The following IL4I1 variants were observed in gnomAD, a reference collection of about 807,000 sequenced individuals.
IL4I1 encodes L-amino-acid oxidase.
A neutral mutation model predicts 29.7 loss-of-function variants in IL4I1; 24 were observed. That is an observed-to-expected ratio of 0.81 (90% CI 0.59 to 1.14). The LOEUF (loss-of-function observed/expected upper bound fraction) is 1.14. IL4I1 is among the 50% of genes most tolerant of loss of function. IL4I1 has a pLI of 0.00. For missense variants in IL4I1, 686 were observed against 785.6 expected (o/e 0.87, Z 1.52); for synonymous variants, 371 against 352.5 (o/e 1.05, Z -0.59).
At chr19:49,893,410 A>T (rs1296048174) in intron 5 of IL4I1, among the ~76,000 whole-genome samples, 2 of 151,450 alleles carry the variant, frequency 1.3e-5, no homozygotes, top group Non-Finnish European at 2.9e-5. Flanking sequence ...GGTCAGGAGG[A>T]GGATGGCTCC....
chr19:49,902,961 G>A (rs1369454692), intron 3 of IL4I1, among the ~76,000 whole-genome samples: 1 of 150,436 alleles, frequency 6.6e-6, no homozygotes, highest in Non-Finnish European at 1.5e-5. Flanking sequence ...CTAAAAATAC[G>A]AAAATTAGCT....
intron 2 of IL4I1, among the ~76,000 whole-genome samples, chr19:49,918,906 G>A (rs1406725129): frequency 6.9e-6 from 1 of 145,066 alleles, no homozygotes; most frequent in Non-Finnish European, 1.5e-5. Flanking sequence ...GGGGGGGGGG[G>A]GGCGGGGTGT....
In IL4I1 at chr19:49,889,892, G is replaced by A. The variant is rs1220817228; in HGVS notation, c.1482C>T (p.Val494=). The A allele has an allele frequency of 1.2e-6, 2 of 1,607,462 alleles. No individual in the cohort carries two copies. Among genetic ancestry groups the A allele is most frequent in the Admixed American group, 3.4e-5 (2 of 59,220 alleles). Residue 494 remains valine, a synonymous_variant, in exon 8 of 8, where the codon GTC becomes GTT. Transcript: ENST00000391826. ...TGATGGCGGCGCGCAGCGCCGACTT[G>A]ACCGCCGTCTCCACCCAGCCGTGCG... The part of the protein sequence containing the change: ...AYPHGWVETA[V]KSALRAAIKI...
intron 5 of IL4I1, 55 bp from the exon 6 acceptor site, chr19:49,891,528 G>A: frequency 6.7e-7 from 1 of 1,491,356 alleles, no homozygotes; most frequent in Non-Finnish European, 9.4e-7. Flanking sequence ...CAGGGTGGAG[G>A]CCGGGCCTGG....
intron 2 of IL4I1, chr19:49,909,686 C>G (rs1200499634): frequency 6.2e-7 from 1 of 1,614,044 alleles, no homozygotes; most frequent in African/African-American, 1.3e-5. Context: ...AAAATTAAAC[C>G]CTCCAGTGCC....
intron 2 of IL4I1, among the ~76,000 whole-genome samples, chr19:49,916,585 C>T (rs2075629173): frequency 6.6e-6 from 1 of 151,912 alleles, no homozygotes; most frequent in Admixed American, 6.6e-5. Flanking sequence ...CATGGTGAAA[C>T]CCCGTCTGCA....
chr19:49,924,036 G>C (rs1244976574), intron 2 of IL4I1, among the ~76,000 whole-genome samples: 1 of 152,212 alleles, frequency 6.6e-6, no homozygotes, highest in Non-Finnish European at 1.5e-5. Flanking sequence ...CAATAGCAGG[G>C]CGATGGCACG....
At chr19:49,899,396 G>C (rs770355243), upstream of IL4I1, among the ~76,000 whole-genome samples, 1 of 152,066 alleles carries the variant, frequency 6.6e-6, no homozygotes, top group Non-Finnish European at 1.5e-5. Context: ...TGTTGTTGTT[G>C]TTTTGAGAGA....
intron 3 of IL4I1, among the ~76,000 whole-genome samples, chr19:49,902,707 G>A (rs1159517785): frequency 2.0e-5 from 3 of 151,894 alleles, no homozygotes; most frequent in Non-Finnish European, 2.9e-5. Context: ...GGGCACCTCT[G>A]TAATCCCAGC....
chr19:49,908,307 C>T (rs1330631179), intron 2 of IL4I1: 6 of 1,613,998 alleles, frequency 3.7e-6, no homozygotes, highest in Non-Finnish European at 5.1e-6. Context: ...TTGGTCACCT[C>T]CTCCACCTTC....
chr19:49,890,324 C>CACGT lies in IL4I1; in HGVS notation c.1046_1049dup (p.Pro351ArgfsTer21). The CACGT allele has an allele frequency of 6.2e-7, 1 of 1,607,642 alleles. No individual in the cohort carries two copies. The highest frequency in any genetic ancestry group is 1.1e-5 in the South Asian group (1 of 90,440). On this transcript the variant is annotated frameshift_variant, in exon 8 of 8. Transcript: ENST00000391826. LOFTEE classifies it low-confidence loss of function (END_TRUNC). ...AGCTTAGGAACACCTTGGTGGCCGG[C>CACGT]ACGTAGTGCAGCCTCCGCAGCGCCT...
At chr19:49,911,542 C>T (rs1431920180) in intron 2 of IL4I1, among the ~76,000 whole-genome samples, 1 of 152,086 alleles carries the variant, frequency 6.6e-6, no homozygotes, top group Non-Finnish European at 1.5e-5. Context: ...CAACCTATCT[C>T]ACTACCCCCA....
chr19:49,902,135 G>A (rs1269567929), intron 3 of IL4I1, among the ~76,000 whole-genome samples: 2 of 152,026 alleles, frequency 1.3e-5, no homozygotes, highest in East Asian at 1.9e-4. Context: ...GAGGAGCTGC[G>A]ATTACAGGTA....
At chr19:49,894,994 C>T (rs953906759) in intron 4 of IL4I1, 74 bp downstream of exon 4, 1 of 1,141,508 alleles carries the variant, frequency 8.8e-7, no homozygotes. Flanking sequence ...GAAGTTCGGG[C>T]CCACTCTGGT....
intron 5 of IL4I1, among the ~76,000 whole-genome samples, chr19:49,894,048 C>G (rs371770598): frequency 6.6e-6 from 1 of 151,682 alleles, no homozygotes; most frequent in Non-Finnish European, 1.5e-5. Flanking sequence ...GTGTAGAAGC[C>G]CCTGGGCTGG....
chr19:49,913,713 G>A (rs976325747), intron 2 of IL4I1, among the ~76,000 whole-genome samples: 4 of 152,184 alleles, frequency 2.6e-5, no homozygotes, highest in African/African-American at 4.8e-5. Context: ...AACCGTGACC[G>A]TGACTGTGAG....
chr19:49,901,724 A>C (rs1220595887), upstream of IL4I1: 14 of 1,520,752 alleles, frequency 9.2e-6, no homozygotes, highest in South Asian at 2.5e-5. Context: ...GCATGTGCGG[A>C]ATCAAGGTGA....
intron 2 of IL4I1, among the ~76,000 whole-genome samples, chr19:49,915,240 G>A (rs566908875): frequency 2.4e-4 from 37 of 152,110 alleles, no homozygotes; most frequent in Non-Finnish European, 4.7e-4. Context: ...CATGGCAAAG[G>A]GACTTTGCAG....
intron 2 of IL4I1, among the ~76,000 whole-genome samples, chr19:49,912,695 C>G (rs1330033284): frequency 1.3e-5 from 2 of 152,102 alleles, no homozygotes; most frequent in African/African-American, 4.8e-5. Flanking sequence ...GAGATGCTGT[C>G]TCTACACAAA....
Sources: gnomAD v4.1 joint callset for allele counts (sites outside exome capture counted in the v4.1 genomes callset) on GRCh38, gnomAD v4.1.1 for gene constraint, MANE v1.5 for transcripts, NCBI Gene and HGNC (gene_info 2026-07-23, HGNC 2026-07-21) for gene names.